The following CSGALNACT1 variants were observed in gnomAD, a reference collection of about 807,000 sequenced individuals.
The protein encoded by CSGALNACT1 is chondroitin sulfate N-acetylgalactosaminyltransferase 1.
A neutral mutation model predicts 51.0 loss-of-function variants in CSGALNACT1; 52 were observed. That is an observed-to-expected ratio of 1.02 (90% CI 0.82 to 1.29). The LOEUF is 1.29. CSGALNACT1 is among the 50% of genes most tolerant of loss of function. The pLI is 0.00. For missense variants in CSGALNACT1, 935 were observed against 679.2 expected (o/e 1.38, Z -4.19); for synonymous variants, 341 against 254.4 (o/e 1.34, Z -3.24).
At chr8:19,406,982 T>C (rs1334141712) in intron 9 of CSGALNACT1, among the ~76,000 whole-genome samples, 4 of 152,228 alleles carry the variant, frequency 2.6e-5, no homozygotes, top group Admixed American at 1.3e-4. Context: ...GTGCTGGGAA[T>C]ACAGGCATGA....
chr8:19,434,131 G>A (rs2060031196), intron 6 of CSGALNACT1, among the ~76,000 whole-genome samples: 1 of 152,192 alleles, frequency 6.6e-6, no homozygotes, highest in Non-Finnish European at 1.5e-5. Context: ...TCTGAGAAAA[G>A]TGATTCTATT....
In CSGALNACT1 at chr8:19,502,083, G is replaced by A. The variant is rs763587490; in HGVS notation, c.634+3118C>T. 7.2e-5 allele frequency among the ~76,000 whole-genome samples: 11 copies of A among 152,132 alleles called. No homozygotes were observed. In the South Asian group the frequency reaches 1.2e-3, roughly 17 times the overall value. On this transcript the variant is annotated intron_variant, in intron 4 of 9. Coordinates refer to ENST00000454498, the Ensembl canonical transcript of CSGALNACT1. Reference sequence around the variant, plus strand: ...CTGATATTTTCCCTCTGCAAGCTTCGCAGAACTGTAGAAAGTGGCCACAGA... The same window carrying A: ...CTGATATTTTCCCTCTGCAAGCTTCACAGAACTGTAGAAAGTGGCCACAGA...
At chr8:19,602,858 T>C (rs1055234886), upstream of CSGALNACT1, 5 of 151,990 alleles carry the variant, frequency 3.3e-5, no homozygotes, top group African/African-American at 1.2e-4. Context: ...GTCAATAATG[T>C]TGTCTTCAAT....
chr8:19,568,061 CAT>C (rs1564084075), intron 3 of CSGALNACT1, among the ~76,000 whole-genome samples: 4 of 152,134 alleles, frequency 2.6e-5, no homozygotes, highest in African/African-American at 9.7e-5. Context: ...AATCATCCAC[CAT>C]ATGTTTTCAT....
At chr8:19,586,455 T>A (rs898377258) in intron 3 of CSGALNACT1, among the ~76,000 whole-genome samples, 1 of 150,438 alleles carries the variant, frequency 6.6e-6, no homozygotes, top group Admixed American at 6.6e-5. Flanking sequence ...CTCTTCCTAA[T>A]GTAGTGATTC....
chr8:19,582,788 T>C (rs1396682684), intron 3 of CSGALNACT1, among the ~76,000 whole-genome samples: 1 of 152,194 alleles, frequency 6.6e-6, no homozygotes, highest in Non-Finnish European at 1.5e-5. Context: ...TAGAAATCAG[T>C]AGCCCCTGTG....
intron 5 of CSGALNACT1, among the ~76,000 whole-genome samples, chr8:19,442,057 G>T (rs543610750): frequency 6.6e-6 from 1 of 152,290 alleles, no homozygotes; most frequent in Non-Finnish European, 1.5e-5. Context: ...TCATTAAAAA[G>T]TCAGGAAACA....
intron 4 of CSGALNACT1, among the ~76,000 whole-genome samples, chr8:19,501,442 C>A (rs1461630754): frequency 2.0e-5 from 3 of 152,124 alleles, no homozygotes; most frequent in Non-Finnish European, 2.9e-5. Flanking sequence ...ATTCAAACCA[C>A]AGCACCCTCA....
At chr8:19,418,952 T>A (rs2057408450) in intron 7 of CSGALNACT1, among the ~76,000 whole-genome samples, 1 of 152,126 alleles carries the variant, frequency 6.6e-6, no homozygotes, top group African/African-American at 2.4e-5. Flanking sequence ...GTTCAAGTGA[T>A]TCTACTGCCT....
chr8:19,499,271 T>C lies in CSGALNACT1; in HGVS notation c.634+5930A>G, dbSNP rs1285850966. 2.6e-5 allele frequency among the ~76,000 whole-genome samples: 4 copies of C among 152,212 alleles called. No homozygotes were observed. In the South Asian group the frequency reaches 6.2e-4, roughly 24 times the overall value. Reference sequence around the variant, plus strand: ...AAATCTCCAAGGCTTATCTCTATCATGGCATTTACCATATGCTGTCATAAC... The same window carrying C: ...AAATCTCCAAGGCTTATCTCTATCACGGCATTTACCATATGCTGTCATAAC... On this transcript the variant is annotated intron_variant, in intron 4 of 9. Coordinates refer to ENST00000454498, the Ensembl canonical transcript of CSGALNACT1.
At chr8:19,687,976 A>G (rs576004791) in intron 1 of CSGALNACT1, among the ~76,000 whole-genome samples, 1 of 152,324 alleles carries the variant, frequency 6.6e-6, no homozygotes, top group Non-Finnish European at 1.5e-5. Context: ...AGTTTCTTAC[A>G]TCCGTGTTGT....
chr8:19,601,133 G>C (rs2050337586), intron 2 of CSGALNACT1, among the ~76,000 whole-genome samples: 1 of 151,994 alleles, frequency 6.6e-6, no homozygotes, highest in South Asian at 2.1e-4. Context: ...TTATTGCATA[G>C]AAACTCAAAA....
Position 19,667,020 on chromosome 8 carries a change from G to GAAAGA in CSGALNACT1, c.-544+15452_-544+15453insTCTTT, listed in dbSNP as rs1564386482. Among the ~76,000 whole-genome samples the GAAAGA allele has an allele frequency of 2.2e-3, 60 of 27,296 alleles. 1 individual carries two copies. Among genetic ancestry groups the GAAAGA allele is most frequent in the Middle Eastern group, 0.026 (1 of 38 alleles). 17.9% of individuals were successfully genotyped at this position (27,296 alleles called of 152,430 possible). ...GAAAGAAAGAAAGAAAGAAAGAAAG[G>GAAAGA]AAGGAAGGAAGGAAGGAAGGAAGAA... On this transcript the variant is annotated intron_variant, in intron 1 of 9. Transcript: ENST00000332246.
intron 1 of CSGALNACT1, among the ~76,000 whole-genome samples, chr8:19,635,471 T>C (rs1384439049): frequency 6.6e-6 from 1 of 152,202 alleles, no homozygotes; most frequent in Non-Finnish European, 1.5e-5. Flanking sequence ...GCCGCATACA[T>C]GTGGCATCTG....
chr8:19,667,105 G>T (rs1486160241), intron 1 of CSGALNACT1, among the ~76,000 whole-genome samples: 1 of 145,764 alleles, frequency 6.9e-6, no homozygotes, highest in Non-Finnish European at 1.5e-5. Context: ...GAAAGGGAAA[G>T]AAATCTCATC....
At chr8:19,502,175 G>A (rs890792666) in intron 4 of CSGALNACT1, among the ~76,000 whole-genome samples, 7 of 152,340 alleles carry the variant, frequency 4.6e-5, no homozygotes, top group South Asian at 4.1e-4. Flanking sequence ...CAAAGGGGAG[G>A]TGGCTTGTCC....
intron 4 of CSGALNACT1, among the ~76,000 whole-genome samples, chr8:19,500,969 G>C (rs1356799901): frequency 6.6e-6 from 1 of 152,204 alleles, no homozygotes. Context: ...AAGGGCAGAG[G>C]CCGGGCACGG....
intron 1 of CSGALNACT1, among the ~76,000 whole-genome samples, chr8:19,620,500 A>G (rs996087402): frequency 6.6e-6 from 1 of 150,992 alleles, no homozygotes; most frequent in South Asian, 2.1e-4. Flanking sequence ...TGGCACGATC[A>G]TAGGTCACTG....
intron 2 of CSGALNACT1, among the ~76,000 whole-genome samples, chr8:19,597,292 T>C (rs1193587035): frequency 8.2e-5 from 10 of 121,926 alleles, no homozygotes; most frequent in African/African-American, 3.2e-4. Context: ...TTTCTTTTTT[T>C]TTTTTTTTTT....
Sources: allele counts gnomAD v4.1 joint callset (sites outside exome capture counted in the v4.1 genomes callset), GRCh38; gene constraint gnomAD v4.1.1; transcripts MANE v1.5; gene names NCBI Gene and HGNC (gene_info 2026-07-23, HGNC 2026-07-21).